DMD: variants seen among roughly 807,000 people sequenced by gnomAD.
DMD encodes mutant dystrophin.
A neutral mutation model predicts 330.1 loss-of-function variants in DMD; 63 were observed. The observed-to-expected ratio is 0.19, with a 90% CI of 0.16 to 0.24. The LOEUF is 0.24. Among genes scored for constraint, DMD ranks in the 10% least tolerant of loss-of-function variants. The probability of loss-of-function intolerance (pLI) is 1.00; values close to 1 mark genes in which losing one functional copy is unlikely to be tolerated. For missense variants in DMD, 3,344 were observed against 2,684.1 expected (o/e 1.25, Z -5.43); for synonymous variants, 1,223 against 959.8 (o/e 1.27, Z -5.07).
At chrX:31,479,244 A>AT (rs953655014) in intron 57 of DMD, 141 bp from the exon 58 acceptor site, 24 of 713,397 alleles carry the variant, frequency 3.4e-5, no homozygotes, top group Admixed American at 6.2e-5. Context: ...TTATAAAATG[A>AT]TTTTTTTTAA....
intron 55 of DMD, among the ~76,000 whole-genome samples, chrX:31,550,287 T>C (rs1021387035): frequency 1.8e-5 from 2 of 111,930 alleles, no homozygotes; most frequent in Non-Finnish European, 3.8e-5. Context: ...TCCTTGGAAC[T>C]GAATGAGTTA....
chrX:31,250,849 G>A (rs1034026479), intron 63 of DMD, among the ~76,000 whole-genome samples: 3 of 110,741 alleles, frequency 2.7e-5, no homozygotes, highest in Non-Finnish European at 5.7e-5. Context: ...TTTGGGAGGC[G>A]GAGGCTGGCA....
At chrX:32,520,568 C>T (rs1400546441) in intron 17 of DMD, among the ~76,000 whole-genome samples, 2 of 111,574 alleles carry the variant, frequency 1.8e-5, no homozygotes, top group East Asian at 5.6e-4. Flanking sequence ...TCCCTTGCCC[C>T]TCAGTTGGAC....
At chrX:31,564,955 C>G (rs2075388438) in intron 55 of DMD, among the ~76,000 whole-genome samples, 1 of 112,256 alleles carries the variant, frequency 8.9e-6, no homozygotes, top group African/African-American at 3.2e-5. Flanking sequence ...GAAAGTAAGT[C>G]ACTTCAGTTT....
intron 1 of DMD, among the ~76,000 whole-genome samples, chrX:33,337,952 T>C (rs1164241096): frequency 8.9e-6 from 1 of 111,911 alleles, no homozygotes; most frequent in East Asian, 2.8e-4. Context: ...TAGATGTACA[T>C]ATATGATAGT....
rs764251655 is a variant in DMD, at chrX:32,599,792, G to C, written c.1483-3916C>G. ...CATTTATTTTCATTATTTTATTAAA[G>C]GAATGCTTTTGTAACACTTACCAGA... On this transcript the variant is annotated intron_variant, in intron 12 of 78. Transcript: ENST00000357033. Among the ~76,000 whole-genome samples the C allele has an allele frequency of 1.3e-4, 15 of 111,687 alleles. No homozygotes were observed. In the South Asian group the frequency reaches 5.6e-3, roughly 41 times the overall value.
chrX:33,327,647 A>C (rs1225178853), intron 1 of DMD, among the ~76,000 whole-genome samples: 2 of 111,991 alleles, frequency 1.8e-5, no homozygotes, highest in Non-Finnish European at 3.8e-5. Context: ...ATATTGGAAA[A>C]AGAGGTTATC....
intron 25 of DMD, among the ~76,000 whole-genome samples, chrX:32,458,711 G>T (rs2098371369): frequency 9.0e-6 from 1 of 111,285 alleles, no homozygotes; most frequent in African/African-American, 3.3e-5. Flanking sequence ...GTATGAAGAG[G>T]TTCTTGTGGC....
rs775339191 is a variant in DMD at position 32,593,423 on chromosome X, AT to A, written c.1602+2333del. 4.5e-5 allele frequency among the ~76,000 whole-genome samples: 5 copies of A among 111,793 alleles called. No homozygotes were observed. The South Asian group carries it at 1.9e-3, about 42-fold the overall frequency. The stretch of plus-strand genomic sequence containing the variant: ...TTTTAAAAATACTTTATTAATGTCT[AT>A]TTTTATACTGGATTGCATGTACCAA... On this transcript the variant is annotated intron_variant, in intron 13 of 78. Transcript: ENST00000357033.
chrX:31,446,484 A>T (rs988781069), intron 59 of DMD, among the ~76,000 whole-genome samples: 8 of 111,744 alleles, frequency 7.2e-5, no homozygotes, highest in African/African-American at 2.6e-4. Context: ...GCAAAAAAAA[A>T]ATCATATGTG....
intron 59 of DMD, among the ~76,000 whole-genome samples, chrX:31,451,048 T>C (rs2065676070): frequency 9.0e-6 from 1 of 110,621 alleles, no homozygotes; most frequent in South Asian, 3.9e-4. Context: ...TTCATCTGCT[T>C]TCCCAATAGC....
At chrX:33,215,989 T>G (rs1250341475), upstream of DMD, among the ~76,000 whole-genome samples, 1 of 112,037 alleles carries the variant, frequency 8.9e-6, no homozygotes, top group Non-Finnish European at 1.9e-5. Context: ...AGCTTAAGAT[T>G]GCTTTGGCTC....
intron 2 of DMD, among the ~76,000 whole-genome samples, chrX:33,008,594 G>A (rs1318183879): frequency 9.1e-6 from 1 of 109,676 alleles, no homozygotes; most frequent in South Asian, 3.9e-4. Context: ...TGAAAGGATT[G>A]CAGTGAAAGA....
At chrX:33,180,996 AC>A (rs765603889) in intron 1 of DMD, among the ~76,000 whole-genome samples, 1 of 110,226 alleles carries the variant, frequency 9.1e-6, no homozygotes. Context: ...AGCAAAGGAA[AC>A]TTTTTTTTTT....
At chrX:32,724,863 A>G (rs2066699493) in intron 7 of DMD, among the ~76,000 whole-genome samples, 1 of 112,021 alleles carries the variant, frequency 8.9e-6, no homozygotes, top group Admixed American at 9.6e-5. Context: ...ATCATATGTT[A>G]ATTATTTGCA....
Position 31,280,889 on chromosome X carries a change from G to C in DMD, c.9225-19873C>G, listed in dbSNP as rs140060661. Among the ~76,000 whole-genome samples the C allele has an allele frequency of 1.0e-2, 1,117 of 112,109 alleles. 6 individuals carry two copies. The highest frequency in any genetic ancestry group is 0.032 in the Middle Eastern group (7 of 219). On this transcript the variant is annotated intron_variant, in intron 62 of 78. Coordinates refer to ENST00000357033, the MANE Select transcript of DMD (RefSeq NM_004006.3). Reference sequence around the variant, plus strand: ...GTCATTTCAGTCTTGAAAATCTACTGTACAGGGAGTTTAATGCTTTTCAAA... The same window carrying C: ...GTCATTTCAGTCTTGAAAATCTACTCTACAGGGAGTTTAATGCTTTTCAAA...
chrX:31,662,972 G>A (rs2081217527), intron 53 of DMD, among the ~76,000 whole-genome samples: 1 of 111,121 alleles, frequency 9.0e-6, no homozygotes, highest in Non-Finnish European at 1.9e-5. Flanking sequence ...CCAAGAGGTC[G>A]TTTGCTCTTA....
At chrX:32,402,148 A>T (rs1202038636) in intron 30 of DMD, among the ~76,000 whole-genome samples, 2 of 111,950 alleles carry the variant, frequency 1.8e-5, no homozygotes, top group African/African-American at 6.5e-5. Context: ...TGCGGACATC[A>T]GTAGGCCATC....
intron 43 of DMD, among the ~76,000 whole-genome samples, chrX:32,221,526 T>C (rs181944347): frequency 8.9e-6 from 1 of 111,995 alleles, no homozygotes; most frequent in Non-Finnish European, 1.9e-5. Flanking sequence ...TAAATTTCTT[T>C]TTTTACATCT....
Sources: gnomAD v4.1 joint callset for allele counts (sites outside exome capture counted in the v4.1 genomes callset) on GRCh38, gnomAD v4.1.1 for gene constraint, MANE v1.5 for transcripts, NCBI Gene and HGNC (gene_info 2026-07-23, HGNC 2026-07-21) for gene names.